The following TENM1 variants were observed in gnomAD, a reference collection of about 807,000 sequenced individuals.
TENM1 encodes teneurin transmembrane protein 1, also known as teneurin-1.
TENM1 carries 35 observed loss-of-function variants against 174.8 expected under a neutral mutation model. That is an observed-to-expected ratio of 0.20 (90% CI 0.15 to 0.27). The LOEUF is 0.27. Among genes scored for constraint, TENM1 ranks in the 10% least tolerant of loss-of-function variants. The pLI is 1.00. For synonymous variants in TENM1, 781 were observed against 798.7 expected (o/e 0.98, Z 0.37); for missense variants, 1,633 against 2,130.1 (o/e 0.77, Z 4.59).
In TENM1 at chrX:124,561,657, T is replaced by C. The variant is rs1434722405; in HGVS notation, c.2434+14A>G. On this transcript the variant is annotated intron_variant, in intron 14 of 31. Transcript: ENST00000422452. ...CTATTCCTTTCTTACGTGAACATTT[T>C]ATAAATGACTCACCTCCATCATTGT... 2 of 1,210,474 alleles carry C rather than the reference T, an allele frequency of 1.7e-6. No individual in the cohort carries two copies. The highest frequency in any genetic ancestry group is 1.7e-5 in the African/African-American group (1 of 57,701).
chrX:124,576,248 C>T (rs926837761), intron 11 of TENM1, among the ~76,000 whole-genome samples: 21 of 110,956 alleles, frequency 1.9e-4, no homozygotes, highest in East Asian at 1.4e-3. Flanking sequence ...TTAGTAGAGA[C>T]GGGGTTTTGC....
At chrX:125,096,710 C>T in the TENM1 span, among the ~76,000 whole-genome samples, 2 of 110,583 alleles carry the variant, frequency 1.8e-5, no homozygotes, top group Admixed American at 9.6e-5. Context: ...CAGAAGAGAT[C>T]CAAACATCAG....
intron 11 of TENM1, among the ~76,000 whole-genome samples, chrX:124,589,911 A>G (rs1239975370): frequency 9.1e-6 from 1 of 110,451 alleles, no homozygotes; most frequent in Admixed American, 9.7e-5. Context: ...AGTTTAATTT[A>G]TTCAGTTCTG....
intron 3 of TENM1, among the ~76,000 whole-genome samples, chrX:124,785,693 A>C (rs2055019119): frequency 8.9e-6 from 1 of 112,214 alleles, no homozygotes; most frequent in East Asian, 2.8e-4. Flanking sequence ...AAATCACTTT[A>C]GATGCTGTAA....
chrX:125,070,190 GTAA>G, the TENM1 span, among the ~76,000 whole-genome samples: 7,072 of 106,759 alleles, frequency 0.066, 654 homozygotes, highest in African/African-American at 0.23. Flanking sequence ...CCGTGTCCAA[GTAA>G]TAATAATAAT....
intron 23 of TENM1, among the ~76,000 whole-genome samples, chrX:124,450,168 G>A (rs991044498): frequency 9.1e-6 from 1 of 109,984 alleles, no homozygotes. Context: ...GTTTTCCCTG[G>A]CTAACACAGT....
chrX:125,051,112 A>C, the TENM1 span, among the ~76,000 whole-genome samples: 4 of 111,546 alleles, frequency 3.6e-5, no homozygotes, highest in Non-Finnish European at 5.6e-5. Context: ...AAAGAGAATA[A>C]AATACCTAGG....
chrX:124,766,915 C>T (rs968300853), intron 3 of TENM1, among the ~76,000 whole-genome samples: 2 of 111,699 alleles, frequency 1.8e-5, no homozygotes, highest in African/African-American at 6.5e-5. Flanking sequence ...TATCTGATAT[C>T]TCTGTAACTT....
the TENM1 span, among the ~76,000 whole-genome samples, chrX:125,163,062 T>A: frequency 9.0e-6 from 1 of 111,565 alleles, no homozygotes. Flanking sequence ...CAGGCTAACA[T>A]TAACTTTCTC....
intron 11 of TENM1, among the ~76,000 whole-genome samples, chrX:124,588,055 G>A (rs1242534920): frequency 8.9e-6 from 1 of 111,923 alleles, no homozygotes; most frequent in Non-Finnish European, 1.9e-5. Context: ...TGTTGGAGAG[G>A]ATGTGGAGAA....
At chrX:124,874,274 T>A (rs1043447977) in intron 3 of TENM1, among the ~76,000 whole-genome samples, 8 of 111,742 alleles carry the variant, frequency 7.2e-5, no homozygotes, top group Non-Finnish European at 1.9e-5. Context: ...ATGTATGTTA[T>A]AAAATTTTAA....
At chrX:124,528,317 A>T (rs1200971083) in intron 16 of TENM1, among the ~76,000 whole-genome samples, 2 of 111,573 alleles carry the variant, frequency 1.8e-5, no homozygotes, top group Admixed American at 1.9e-4. Flanking sequence ...ACTGTACACA[A>T]ACATTTTTAG....
At chrX:124,385,940 C>G in exon 29 of TENM1, 7 of 1,209,173 alleles carry the variant, frequency 5.8e-6, no homozygotes, top group Non-Finnish European at 7.8e-6. Context: ...CCGGTAGTAG[C>G]CCACTGAAAG....
At chrX:124,957,371 G>T (rs1472924052) in intron 1 of TENM1, among the ~76,000 whole-genome samples, 5 of 110,833 alleles carry the variant, frequency 4.5e-5, no homozygotes, top group Non-Finnish European at 9.4e-5. Flanking sequence ...ATCACTTGAG[G>T]TCAGGAGTTT....
intron 3 of TENM1, among the ~76,000 whole-genome samples, chrX:124,745,993 G>C (rs2053909424): frequency 9.0e-6 from 1 of 111,577 alleles, no homozygotes; most frequent in African/African-American, 3.3e-5. Flanking sequence ...CTGTAGGAAG[G>C]ACAGAGAAAG....
intron 23 of TENM1, among the ~76,000 whole-genome samples, chrX:124,436,149 C>A (rs1243595884): frequency 6.3e-5 from 7 of 111,603 alleles, no homozygotes; most frequent in Non-Finnish European, 1.3e-4. Flanking sequence ...CACCTCATTG[C>A]ACAGTGTGCT....
the TENM1 span, among the ~76,000 whole-genome samples, chrX:125,092,469 T>C: frequency 8.9e-6 from 1 of 111,778 alleles, no homozygotes; most frequent in African/African-American, 3.3e-5. Context: ...GAAACAACAA[T>C]TTAAAAAATC....
At chrX:124,825,308 C>T (rs2056133889) in intron 3 of TENM1, among the ~76,000 whole-genome samples, 1 of 105,366 alleles carries the variant, frequency 9.5e-6, no homozygotes, top group Admixed American at 1.0e-4. Flanking sequence ...CGCCCAGCAC[C>T]ACTCCCAGTT....
At chrX:124,706,053 C>T (rs1422402701) in intron 4 of TENM1, among the ~76,000 whole-genome samples, 2 of 111,269 alleles carry the variant, frequency 1.8e-5, no homozygotes, top group Non-Finnish European at 3.8e-5. Context: ...CTACAGTTCG[C>T]ACCACCACGC....
Sources: allele counts gnomAD v4.1 joint callset (sites outside exome capture counted in the v4.1 genomes callset), GRCh38; gene constraint gnomAD v4.1.1; transcripts MANE v1.5; gene names NCBI Gene and HGNC (gene_info 2026-07-23, HGNC 2026-07-21).